Variants in LDB2 observed in about 807,000 individuals in gnomAD.
The protein encoded by LDB2 is LIM domain binding 2.
In LDB2, 12 loss-of-function variants were observed where a neutral mutation model predicts 44.3. The observed-to-expected ratio is 0.27, with a 90% CI of 0.17 to 0.44. LDB2 has a LOEUF of 0.44. Among genes scored for constraint, LDB2 ranks in the 20% least tolerant of loss-of-function variants. The pLI, the probability that LDB2 is intolerant of heterozygous loss-of-function variation, is 1.00. For synonymous variants in LDB2, 164 were observed against 174.8 expected (o/e 0.94, Z 0.49); for missense variants, 344 against 473.5 (o/e 0.73, Z 2.54).
intron 5 of LDB2, among the ~76,000 whole-genome samples, chr4:16,529,858 A>G (rs1224558552): frequency 2.0e-5 from 3 of 152,174 alleles, no homozygotes; most frequent in African/African-American, 7.2e-5. Context: ...TTCATGGTTG[A>G]CATCTGTCTG....
chr4:16,817,849 G>A (rs1006222968), intron 1 of LDB2, among the ~76,000 whole-genome samples: 4 of 152,058 alleles, frequency 2.6e-5, no homozygotes, highest in Non-Finnish European at 5.9e-5. Flanking sequence ...CTGCCTCTAG[G>A]AAACTGCTTA....
chr4:16,672,674 A>G (rs903782372), intron 2 of LDB2, among the ~76,000 whole-genome samples: 3 of 152,174 alleles, frequency 2.0e-5, no homozygotes, highest in Non-Finnish European at 4.4e-5. Context: ...GCCAACATCA[A>G]TGGAAACAGG....
At chr4:16,645,828 ATGTTTTTGGT>A (rs1736648918) in intron 2 of LDB2, among the ~76,000 whole-genome samples, 1 of 152,102 alleles carries the variant, frequency 6.6e-6, no homozygotes, top group Non-Finnish European at 1.5e-5. Context: ...CTAAGTCTCA[ATGTTTTTGGT>A]TGTATAATGG....
chr4:16,719,778 T>C (rs1391305878), intron 2 of LDB2, among the ~76,000 whole-genome samples: 1 of 152,102 alleles, frequency 6.6e-6, no homozygotes, highest in Non-Finnish European at 1.5e-5. Flanking sequence ...CCCATAATTA[T>C]GCATTATTTG....
rs142739120 is a variant in LDB2 at position 16,564,157 on chromosome 4, C to A, written c.615+21765G>T. On this transcript the variant is annotated intron_variant, in intron 5 of 7. Transcript: ENST00000304523. ...AGCTTATATCTAACTGCCTTTTTGA[C>A]AACCCTCAGTGTCTCAAATGCCCTG... Among the ~76,000 whole-genome samples the A allele has an allele frequency of 4.5e-4, 69 of 152,138 alleles. No individual in the cohort carries two copies. In the East Asian group the frequency reaches 0.011, roughly 25 times the overall value.
At chr4:16,826,128 T>A (rs1428616450) in intron 1 of LDB2, among the ~76,000 whole-genome samples, 1 of 152,002 alleles carries the variant, frequency 6.6e-6, no homozygotes, top group Non-Finnish European at 1.5e-5. Context: ...AATATGTAGA[T>A]AGGAGATAAA....
At chr4:16,704,846 C>T (rs1754260229) in intron 2 of LDB2, among the ~76,000 whole-genome samples, 1 of 152,180 alleles carries the variant, frequency 6.6e-6, no homozygotes, top group Admixed American at 6.5e-5. Context: ...GATTCTAATG[C>T]AGCAGTGAAG....
intron 2 of LDB2, among the ~76,000 whole-genome samples, chr4:16,722,304 T>G (rs1288281752): frequency 6.6e-6 from 1 of 152,152 alleles, no homozygotes. Flanking sequence ...GAAAGTAGCT[T>G]GCCCAGCAGG....
chr4:16,898,080 A>G (rs1725844489), intron 1 of LDB2, among the ~76,000 whole-genome samples: 1 of 151,492 alleles, frequency 6.6e-6, no homozygotes, highest in Non-Finnish European at 1.5e-5. Flanking sequence ...GTAAAACACC[A>G]GAGTTCTGGA....
intron 1 of LDB2, among the ~76,000 whole-genome samples, chr4:16,816,170 A>T (rs1214435856): frequency 6.6e-6 from 1 of 152,084 alleles, no homozygotes; most frequent in Non-Finnish European, 1.5e-5. Context: ...ACGCCATGGC[A>T]CTCCAGCCTG....
At chr4:16,752,533 A>C (rs540609001) in intron 2 of LDB2, 1 of 397,360 alleles carries the variant, frequency 2.5e-6, no homozygotes, top group Non-Finnish European at 4.9e-6. Flanking sequence ...CCAAATAAAT[A>C]ATGGGAACTC....
chr4:16,891,165 AG>A (rs577582972), intron 1 of LDB2, among the ~76,000 whole-genome samples: 37 of 151,704 alleles, frequency 2.4e-4, no homozygotes, highest in South Asian at 2.1e-4. Flanking sequence ...TATCTTTCCC[AG>A]GGCACAACTA....
chr4:16,818,695 G>A (rs1157542618), intron 1 of LDB2, among the ~76,000 whole-genome samples: 2 of 152,290 alleles, frequency 1.3e-5, no homozygotes. Context: ...AAGGCTTAAA[G>A]AGGTTAGAGA....
In LDB2 at chr4:16,664,820, G is replaced by A. The variant is rs147757294; in HGVS notation, c.236-68945C>T. ...TACTCTCTGCATGTTTCGGGTGTCG[G>A]CTGGATGCCAAGGCTTAGGAACCAG... On this transcript the variant is annotated intron_variant, in intron 2 of 7. Transcript: ENST00000304523. Among the ~76,000 whole-genome samples, 795 of 152,330 alleles carry A rather than the reference G, an allele frequency of 5.2e-3. 3 individuals are homozygous for A. Among genetic ancestry groups the A allele is most frequent in the Middle Eastern group, 0.027 (8 of 294 alleles).
At chr4:16,543,107 C>CA (rs1275132339) in intron 5 of LDB2, among the ~76,000 whole-genome samples, 1 of 152,090 alleles carries the variant, frequency 6.6e-6, no homozygotes, top group Non-Finnish European at 1.5e-5. Context: ...ATGAATTCAT[C>CA]CTTTTTATGG....
intron 1 of LDB2, among the ~76,000 whole-genome samples, chr4:16,790,316 C>A (rs940652930): frequency 1.3e-5 from 2 of 152,202 alleles, no homozygotes; most frequent in African/African-American, 2.4e-5. Context: ...TACCCCAGAA[C>A]ATAATACGGT....
intron 2 of LDB2, among the ~76,000 whole-genome samples, chr4:16,691,419 A>G (rs1750745778): frequency 6.6e-6 from 1 of 152,230 alleles, no homozygotes; most frequent in Non-Finnish European, 1.5e-5. Flanking sequence ...GAAGAGAAAT[A>G]GGCTATTCTG....
At chr4:16,612,306 T>A (rs1482674177) in intron 2 of LDB2, among the ~76,000 whole-genome samples, 1 of 151,858 alleles carries the variant, frequency 6.6e-6, no homozygotes, top group Non-Finnish European at 1.5e-5. Flanking sequence ...TTAAAAGAGC[T>A]AGAGAGGCAA....
chr4:16,739,463 G>A (rs1762508671), intron 2 of LDB2, among the ~76,000 whole-genome samples: 1 of 148,284 alleles, frequency 6.7e-6, no homozygotes, highest in Non-Finnish European at 1.5e-5. Flanking sequence ...GTGCATGCCT[G>A]TAGTCCCAGC....
Sources: gnomAD v4.1 joint callset for allele counts (sites outside exome capture counted in the v4.1 genomes callset) on GRCh38, gnomAD v4.1.1 for gene constraint, MANE v1.5 for transcripts, NCBI Gene and HGNC (gene_info 2026-07-23, HGNC 2026-07-21) for gene names.